Variants in SLC15A4 observed in about 807,000 individuals in gnomAD.
SLC15A4 encodes solute carrier family 15 member 4.
In SLC15A4, 26 loss-of-function variants were observed where a neutral mutation model predicts 46.1. That is an observed-to-expected ratio of 0.56 (90% CI 0.41 to 0.78). The LOEUF (loss-of-function observed/expected upper bound fraction) is 0.78. Ranked by LOEUF, SLC15A4 falls within the 30% of genes least tolerant of loss-of-function variation. The probability of loss-of-function intolerance (pLI) is 0.00; values close to 1 mark genes in which losing one functional copy is unlikely to be tolerated. For missense variants in SLC15A4, 751 were observed against 755.7 expected (o/e 0.99, Z 0.07); for synonymous variants, 370 against 333.4 (o/e 1.11, Z -1.20).
chr12:128,822,525 GT>G (rs1955860026), intron 1 of SLC15A4, among the ~76,000 whole-genome samples: 1 of 152,108 alleles, frequency 6.6e-6, no homozygotes, highest in Non-Finnish European at 1.5e-5. Flanking sequence ...ACATAGAAGG[GT>G]CCCGTTCATT....
rs759186075 is a variant in SLC15A4 at position 128,809,396 on chromosome 12, C to T, written c.1089G>A (p.Thr363=). Reference sequence around the variant, plus strand: ...TTCAGATCATTACAATTGTTCTTACCGTGTGAGGAGTGGTTGTAATATTTG... The same window carrying T: ...TTCAGATCATTACAATTGTTCTTACTGTGTGAGGAGTGGTTGTAATATTTG... The part of the protein sequence containing the change: ...EISNITTTPH[T]LPAAWLTMFD... The change falls in exon 4 of 8, where the codon ACG becomes ACA. Residue 363 remains threonine, a splice_region_variant and synonymous_variant. Coordinates refer to ENST00000266771, the MANE Select transcript of SLC15A4 (RefSeq NM_145648.4). The T allele has an allele frequency of 5.1e-6, 8 of 1,582,580 alleles. No homozygotes were observed. The highest frequency in any genetic ancestry group is 1.7e-5 in the Admixed American group (1 of 57,502).
chr12:128,798,114 C>T (rs1017599132), intron 7 of SLC15A4, among the ~76,000 whole-genome samples: 5 of 152,194 alleles, frequency 3.3e-5, no homozygotes, highest in African/African-American at 7.2e-5. Flanking sequence ...TAGAAAGCAA[C>T]GAGAATGACC....
intron 7 of SLC15A4, among the ~76,000 whole-genome samples, chr12:128,795,196 C>T (rs1051681888): frequency 1.2e-4 from 18 of 152,280 alleles, no homozygotes; most frequent in African/African-American, 4.1e-4. Context: ...ACACACCCAA[C>T]ACACCAGGGC....
In SLC15A4 at chr12:128,794,182, T is replaced by C. The variant is rs780899084; in HGVS notation, c.*14A>G. 7 of 1,599,850 alleles carry C rather than the reference T, an allele frequency of 4.4e-6. No homozygotes were observed. In the African/African-American group the frequency reaches 5.4e-5, roughly 12 times the overall value. On this transcript the variant is annotated 3_prime_UTR_variant, in exon 8 of 8. Coordinates refer to ENST00000266771, the MANE Select transcript of SLC15A4 (RefSeq NM_145648.4). ...ACATGTCAGCCTCAGAAACCGCACA[T>C]GGCCTCAGGAAGGTCAGGCCCTCCT...
In SLC15A4 at chr12:128,823,578, C is replaced by G. The variant is rs2135728785; in HGVS notation, c.366G>C (p.Leu122=). Residue 122 remains leucine (L), a synonymous_variant, in exon 1 of 8, where the codon CTG becomes CTC. Transcript: ENST00000266771. The stretch of plus-strand genomic sequence containing the variant: ...CGGCTCGCGTGGCGGGCGCGGCCAG[C>G]AGCGGGAAGGCCAGCATGCCCAGCA... ...LYLLGMLAFP[L]LAAPATRAAL... is the part of the protein sequence containing the mutation. 1 of 1,444,628 alleles carries G rather than the reference C, an allele frequency of 6.9e-7. No homozygotes were observed. 89.5% of individuals were successfully genotyped at this position (1,444,628 alleles called of 1,614,324 possible). A position where few individuals can be genotyped will look rare whatever the true frequency, so the allele number is the denominator to read the frequency against.
intron 7 of SLC15A4, among the ~76,000 whole-genome samples, chr12:128,796,519 AAAG>A (rs1330927189): frequency 6.6e-5 from 10 of 151,802 alleles, no homozygotes; most frequent in Non-Finnish European, 1.3e-4. Context: ...CACACCAATT[AAAG>A]AAGATCATTT....
chr12:128,816,337 T>A (rs948504958), intron 1 of SLC15A4, among the ~76,000 whole-genome samples: 11 of 152,200 alleles, frequency 7.2e-5, no homozygotes, highest in Non-Finnish European at 1.5e-4. Flanking sequence ...ATTTCATAAA[T>A]TTATTTTTAA....
chr12:128,823,607 A>G lies in SLC15A4; in HGVS notation c.337T>C (p.Tyr113His), dbSNP rs1593021193. 1 of 1,462,004 alleles carries G rather than the reference A, an allele frequency of 6.8e-7. No homozygotes were observed. Among genetic ancestry groups the G allele is most frequent in the Non-Finnish European group, 9.0e-7 (1 of 1,112,902 alleles). The allele number at this position is 1,462,004 out of a possible 1,614,324, so 90.6% of individuals were successfully genotyped here. Reference sequence around the variant, plus strand: ...GGGAAGGCCAGCATGCCCAGCAGGTAGAGCGCCAGGCTCAGCAGGATGGCG... The same window carrying G: ...GGGAAGGCCAGCATGCCCAGCAGGTGGAGCGCCAGGCTCAGCAGGATGGCG... ...ARAILLSLALYLLGMLAFPLL... is the reference protein window; with the variant it reads ...ARAILLSLALHLLGMLAFPLL... The change falls in exon 1 of 8, where the codon TAC becomes CAC. Residue 113 changes from tyrosine (Y) to histidine (H), a missense_variant. Transcript: ENST00000266771.
In SLC15A4 at chr12:128,823,492, C is replaced by T. The variant is rs1322905778; in HGVS notation, c.452G>A (p.Arg151His). The T allele has an allele frequency of 6.7e-7, 1 of 1,484,198 alleles. No individual in the cohort carries two copies. The highest frequency in any genetic ancestry group is 8.9e-7 in the Non-Finnish European group (1 of 1,124,270). 91.9% of individuals were successfully genotyped at this position (1,484,198 alleles called of 1,614,324 possible). A position where few individuals can be genotyped will look rare whatever the true frequency, so the allele number is the denominator to read the frequency against. The change falls in exon 1 of 8, where the codon CGC (arginine) becomes CAC (histidine). Residue 151 changes from arginine (R) to histidine (H), a missense_variant. Coordinates refer to ENST00000266771, the MANE Select transcript of SLC15A4 (RefSeq NM_145648.4). The part of the protein sequence containing the change: ...CTAPGPDAAA[R>H]CCSPATFAGL... ...CGCGAAGGTGGCCGGTGAGCAGCAG[C>T]GGGCGGCGGCGTCGGGACCAGGCGC...
chr12:128,807,712 T>A (rs749351387), intron 5 of SLC15A4, among the ~76,000 whole-genome samples: 1 of 152,244 alleles, frequency 6.6e-6, no homozygotes, highest in Non-Finnish European at 1.5e-5. Flanking sequence ...TATTTCCCCA[T>A]GTGCCACAGC....
chr12:128,814,413 G>A (rs1329841269), intron 2 of SLC15A4: 2 of 205,236 alleles, frequency 9.7e-6, no homozygotes, highest in Non-Finnish European at 2.0e-5. Flanking sequence ...GTATTTCAAA[G>A]CTTTTTAAAA....
chr12:128,816,737 T>A (rs1016064495), intron 1 of SLC15A4, among the ~76,000 whole-genome samples: 2 of 151,972 alleles, frequency 1.3e-5, no homozygotes, highest in African/African-American at 4.8e-5. Flanking sequence ...GAGACTGAGG[T>A]GGGAGGATCC....
intron 7 of SLC15A4, among the ~76,000 whole-genome samples, chr12:128,797,677 AG>A (rs1955462510): frequency 6.6e-6 from 1 of 152,200 alleles, no homozygotes; most frequent in Admixed American, 6.5e-5. Context: ...GCCAGGGATA[AG>A]GGTGGCACAG....
chr12:128,810,156 C>T (rs759667852), intron 2 of SLC15A4, 45 bp from the exon 3 acceptor site: 1 of 1,588,292 alleles, frequency 6.3e-7, no homozygotes, highest in South Asian at 1.1e-5. Context: ...CCCCTCCCAG[C>T]AATCAATTAT....
intron 2 of SLC15A4, among the ~76,000 whole-genome samples, chr12:128,811,819 G>A (rs1052898877): frequency 3.3e-5 from 5 of 152,104 alleles, no homozygotes; most frequent in African/African-American, 4.8e-5. Context: ...TTCGCTTTAT[G>A]TAATTAAAAT....
rs35439692 is a variant in SLC15A4, at chr12:128,814,781, C to T, written c.836G>A (p.Ser279Asn). ...ATGAGAACTAAGTGCTTACCCATTA[C>T]TCTGGCGCTCTCCACTTCGCTTCTG... is the stretch of plus-strand genomic sequence containing the variant. ...CSQKRSGERQSNGEGIGVFQQ... is the reference protein window; with the variant it reads ...CSQKRSGERQNNGEGIGVFQQ... Residue 279 changes from serine to asparagine, a missense_variant, in exon 2 of 8, where the codon AGT becomes AAT. Physicochemically the swap from Ser to Asn is conservative, Grantham distance 46 (BLOSUM62 1). Coordinates refer to ENST00000266771, the MANE Select transcript of SLC15A4 (RefSeq NM_145648.4). 25 of 1,613,874 alleles carry T rather than the reference C, an allele frequency of 1.5e-5. No individual in the cohort carries two copies. The South Asian group carries it at 2.2e-4, about 14-fold the overall frequency.
intron 5 of SLC15A4, chr12:128,801,676 A>G (rs1356573597): frequency 1.3e-5 from 2 of 152,196 alleles, no homozygotes; most frequent in Non-Finnish European, 2.9e-5. Context: ...CTCCTACTCT[A>G]TAAACAAAAA....
intron 1 of SLC15A4, among the ~76,000 whole-genome samples, chr12:128,816,817 C>T (rs118018207): frequency 9.1e-4 from 139 of 152,054 alleles, no homozygotes; most frequent in Non-Finnish European, 1.8e-3. Context: ...CGACAGAGGC[C>T]CTGTCTCAAA....
rs541666339 is a variant in SLC15A4, at chr12:128,800,858, G to A, written c.1410C>T (p.Ile470=). Residue 470 remains isoleucine, a synonymous_variant, in exon 6 of 8, where the codon ATC becomes ATT. Transcript: ENST00000266771. The part of the protein sequence containing the change: ...LIGISEIFAS[I]AGLEFAYSAA... ...TCCGGCACTAAAGGTCCTCACCTGC[G>A]ATACTTGCAAAGATCTCGCTGATCC... 5.0e-6 allele frequency: 8 copies of A among 1,610,408 alleles called. No homozygotes were observed. The highest frequency in any genetic ancestry group is 1.7e-5 in the Admixed American group (1 of 59,256).
Sources: gnomAD v4.1 joint callset for allele counts (sites outside exome capture counted in the v4.1 genomes callset) on GRCh38, gnomAD v4.1.1 for gene constraint, MANE v1.5 for transcripts, NCBI Gene and HGNC (gene_info 2026-07-23, HGNC 2026-07-21) for gene names.